The following L3MBTL4 variants were observed in gnomAD, a reference collection of about 807,000 sequenced individuals.
The protein encoded by L3MBTL4 is L3MBTL histone methyl-lysine binding protein 4.
A neutral mutation model predicts 84.5 loss-of-function variants in L3MBTL4; 70 were observed. That is an observed-to-expected ratio of 0.83 (90% CI 0.68 to 1.01). L3MBTL4 has a LOEUF of 1.01. L3MBTL4 is among the 50% of genes least tolerant of loss of function. The probability of loss-of-function intolerance (pLI) is 0.00; values close to 1 mark genes in which losing one functional copy is unlikely to be tolerated. For missense variants in L3MBTL4, 715 were observed against 754.8 expected (o/e 0.95, Z 0.62); for synonymous variants, 274 against 259.8 (o/e 1.05, Z -0.52).
At chr18:6,091,404 T>C (rs1255455964) in intron 15 of L3MBTL4, among the ~76,000 whole-genome samples, 1 of 152,206 alleles carries the variant, frequency 6.6e-6, no homozygotes, top group East Asian at 1.9e-4. Context: ...TCTTGAGATG[T>C]AAAAGCAAAA....
intron 16 of L3MBTL4, 48 bp from the exon 17 acceptor site, chr18:5,969,610 G>A (rs1170634173): frequency 1.7e-5 from 27 of 1,548,148 alleles, no homozygotes; most frequent in Non-Finnish European, 2.3e-5. Context: ...CAGAGAGCAA[G>A]CACTGCTGTG....
chr18:6,412,330 C>G (rs571020974), intron 1 of L3MBTL4, among the ~76,000 whole-genome samples: 26 of 152,162 alleles, frequency 1.7e-4, no homozygotes, highest in Non-Finnish European at 3.2e-4. Flanking sequence ...CTCACTCCCC[C>G]ACTTCACCAG....
chr18:6,411,037 G>GA (rs941678832), intron 1 of L3MBTL4, among the ~76,000 whole-genome samples: 118 of 152,252 alleles, frequency 7.8e-4, no homozygotes, highest in African/African-American at 2.6e-3. Flanking sequence ...TGCTACCGTG[G>GA]AAAAAATCGT....
Position 6,215,852 on chromosome 18 carries a change from A to C in L3MBTL4, c.785-17T>G. On this transcript the variant is annotated splice_polypyrimidine_tract_variant and intron_variant, in intron 10 of 18. Transcript: ENST00000317931. Reference sequence around the variant, plus strand: ...TGGGATAACCTGAAAATATATATATATAAATAGCAAAAGATTACTCATAGA... The same window carrying C: ...TGGGATAACCTGAAAATATATATATCTAAATAGCAAAAGATTACTCATAGA... 1 of 1,367,858 alleles carries C rather than the reference A, an allele frequency of 7.3e-7. No individual in the cohort carries two copies. Among genetic ancestry groups the C allele is most frequent in the Non-Finnish European group, 1.0e-6 (1 of 980,010 alleles). The allele number at this position is 1,367,858 out of a possible 1,614,324, so 84.7% of individuals were successfully genotyped here. A position where few individuals can be genotyped will look rare whatever the true frequency, so the allele number is the denominator to read the frequency against.
At chr18:5,970,501 T>C (rs2052588223) in intron 16 of L3MBTL4, among the ~76,000 whole-genome samples, 1 of 152,154 alleles carries the variant, frequency 6.6e-6, no homozygotes, top group Non-Finnish European at 1.5e-5. Context: ...AATCTACAAA[T>C]GGATAAGGAG....
rs147441344 is a variant in L3MBTL4 at position 6,323,435 on chromosome 18, T to C, written c.-90-11379A>G. Among the ~76,000 whole-genome samples, 1,112 of 152,288 alleles carry C rather than the reference T, an allele frequency of 7.3e-3. 16 individuals carry two copies. The highest frequency in any genetic ancestry group is 0.026 in the African/African-American group (1,075 of 41,560). ...GTTGTGACAAAAATGCTGATAGTGA[T>C]ATGGACACTGAAGTACAAGCTGAGG... On this transcript the variant is annotated intron_variant, in intron 1 of 18. Transcript: ENST00000317931.
intron 13 of L3MBTL4, among the ~76,000 whole-genome samples, chr18:6,161,216 C>A (rs530080376): frequency 4.6e-5 from 7 of 152,290 alleles, no homozygotes; most frequent in Admixed American, 3.9e-4. Context: ...ATCGCGTCCT[C>A]ATGGATGAGA....
intron 16 of L3MBTL4, among the ~76,000 whole-genome samples, chr18:6,064,288 A>G (rs1180162310): frequency 6.6e-6 from 1 of 152,010 alleles, no homozygotes; most frequent in Non-Finnish European, 1.5e-5. Flanking sequence ...AAGTTGGGTA[A>G]TGTGATGCCT....
intron 12 of L3MBTL4, among the ~76,000 whole-genome samples, chr18:6,193,528 A>G (rs1268671762): frequency 6.6e-6 from 1 of 152,256 alleles, no homozygotes; most frequent in Non-Finnish European, 1.5e-5. Flanking sequence ...GAAAGTGAAG[A>G]GAACCTTCAG....
rs117221568 is a variant in L3MBTL4, at chr18:6,175,985, G to T, written c.982-4043C>A. Among the ~76,000 whole-genome samples, 213 of 151,924 alleles carry T rather than the reference G, an allele frequency of 1.4e-3. 2 individuals are homozygous for T. The East Asian group carries it at 0.037, about 27-fold the overall frequency. On this transcript the variant is annotated intron_variant, in intron 12 of 18. Coordinates refer to ENST00000317931, the MANE Select transcript of L3MBTL4 (RefSeq NM_001330559.2). ...AATAACATTAAAAATGAAGAACTTA[G>T]CAAAACATCTGAGAAAATAAGAAAA...
At chr18:6,084,589 C>T (rs1448979392) in intron 15 of L3MBTL4, among the ~76,000 whole-genome samples, 5 of 152,172 alleles carry the variant, frequency 3.3e-5, no homozygotes, top group African/African-American at 1.2e-4. Context: ...CAAACTCAAT[C>T]AACATTTCTC....
At chr18:5,994,131 T>C (rs1399587749) in intron 16 of L3MBTL4, among the ~76,000 whole-genome samples, 1 of 152,200 alleles carries the variant, frequency 6.6e-6, no homozygotes, top group Non-Finnish European at 1.5e-5. Context: ...TCCTGGGGCA[T>C]GCAGGTACTT....
chr18:6,240,253 T>C (rs79910869), intron 8 of L3MBTL4, among the ~76,000 whole-genome samples: 4,271 of 152,162 alleles, frequency 0.028, 191 homozygotes, highest in African/African-American at 0.096. Flanking sequence ...AGTTTCCAAA[T>C]GCCACTATTT....
intron 12 of L3MBTL4, among the ~76,000 whole-genome samples, chr18:6,199,604 C>T (rs537748327): frequency 6.6e-6 from 1 of 152,248 alleles, no homozygotes; most frequent in South Asian, 2.1e-4. Context: ...AGCCCTATTG[C>T]CATGAGACGG....
chr18:6,065,132 T>C (rs2057358010), intron 16 of L3MBTL4, among the ~76,000 whole-genome samples: 1 of 152,096 alleles, frequency 6.6e-6, no homozygotes, highest in Admixed American at 6.6e-5. Flanking sequence ...TTTAATTCTA[T>C]CTATATGATG....
In L3MBTL4 at chr18:6,175,400, G is replaced by A. The variant is rs1036613532; in HGVS notation, c.982-3458C>T. On this transcript the variant is annotated intron_variant, in intron 12 of 18. Transcript: ENST00000317931. ...TCAGATAAACAAAAAAAAAGAATAC[G>A]CACTTATAGATTTATACTGTAAGAA... Among the ~76,000 whole-genome samples the A allele has an allele frequency of 5.9e-5, 9 of 152,186 alleles. No homozygotes were observed. In the South Asian group the frequency reaches 1.5e-3, roughly 25 times the overall value.
intron 16 of L3MBTL4, among the ~76,000 whole-genome samples, chr18:6,025,693 G>C: frequency 6.6e-6 from 1 of 152,158 alleles, no homozygotes. Flanking sequence ...GGTGGTTTTG[G>C]GATAAAACTG....
At chr18:6,374,199 C>G (rs1428488507) in intron 1 of L3MBTL4, among the ~76,000 whole-genome samples, 3 of 152,192 alleles carry the variant, frequency 2.0e-5, no homozygotes, top group Non-Finnish European at 4.4e-5. Flanking sequence ...AATCCAGTCA[C>G]TGCCACTGAA....
intron 12 of L3MBTL4, among the ~76,000 whole-genome samples, chr18:6,185,058 G>T (rs2145412229): frequency 6.6e-6 from 1 of 152,306 alleles, no homozygotes; most frequent in Middle Eastern, 3.4e-3. Flanking sequence ...GGTTAATTTT[G>T]TTGTTGAAGG....
Sources: allele counts gnomAD v4.1 joint callset (sites outside exome capture counted in the v4.1 genomes callset), GRCh38; gene constraint gnomAD v4.1.1; transcripts MANE v1.5; gene names NCBI Gene and HGNC (gene_info 2026-07-23, HGNC 2026-07-21).